DCSTAMP: variants seen among roughly 807,000 people sequenced by gnomAD.
DCSTAMP encodes dendrocyte expressed seven transmembrane protein.
A neutral mutation model predicts 33.8 loss-of-function variants in DCSTAMP; 25 were observed. The ratio of observed to expected loss-of-function variants is 0.74; its 90% CI spans 0.54 to 1.03. The LOEUF (loss-of-function observed/expected upper bound fraction) is 1.03, where lower values mean the gene tolerates loss of function less well. DCSTAMP is among the 50% of genes least tolerant of loss of function. The pLI, the probability that DCSTAMP is intolerant of heterozygous loss-of-function variation, is 0.00. For synonymous variants in DCSTAMP, 245 were observed against 216.7 expected, an observed-to-expected ratio of 1.13 and a Z score of -1.15; for missense variants, 531 against 556.8, an observed-to-expected ratio of 0.95 and a Z score of 0.47.
Position 104,341,664 on chromosome 8 carries a change from C to G in DCSTAMP, c.-13+1802C>G, listed in dbSNP as rs556580613. On this transcript the variant is annotated intron_variant, in intron 1 of 3. Transcript: ENST00000297581. ...GGGCTCAAGCCAGATGCACAGACTG[C>G]ATGGCTCTGCAGGGCTCTCAGCTCA... is the stretch of plus-strand genomic sequence containing the variant. Among the ~76,000 whole-genome samples, 4 of 152,368 alleles carry G rather than the reference C, an allele frequency of 2.6e-5. No homozygotes were observed. The East Asian group carries it at 7.7e-4, about 29-fold the overall frequency.
chr8:104,340,331 G>A (rs140909595), intron 1 of DCSTAMP: 1 of 152,316 alleles, frequency 6.6e-6, no homozygotes, highest in African/African-American at 2.4e-5. Flanking sequence ...CCCAAGGCAA[G>A]AACAATGAAA....
At chr8:104,343,484 T>C (rs1283295681) in intron 1 of DCSTAMP, among the ~76,000 whole-genome samples, 1 of 152,200 alleles carries the variant, frequency 6.6e-6, no homozygotes, top group East Asian at 1.9e-4. Flanking sequence ...GACAGAATGT[T>C]TGTGTCTTCT....
At chr8:104,353,086 G>C (rs1810510284) in intron 2 of DCSTAMP, among the ~76,000 whole-genome samples, 1 of 152,202 alleles carries the variant, frequency 6.6e-6, no homozygotes, top group South Asian at 2.1e-4. Context: ...CCCAGGTAGA[G>C]CTAGCTCTGT....
intron 1 of DCSTAMP, among the ~76,000 whole-genome samples, chr8:104,341,481 C>T (rs1280677236): frequency 3.3e-5 from 5 of 152,228 alleles, no homozygotes; most frequent in Admixed American, 2.0e-4. Flanking sequence ...GCTCTCAATG[C>T]TCCCACTGAC....
rs1459961700 is a variant in DCSTAMP, at chr8:104,349,458, C to T, written c.906C>T (p.Ile302=). 6.2e-7 allele frequency: 1 copy of T among 1,614,172 alleles called. No individual in the cohort carries two copies. Among genetic ancestry groups the T allele is most frequent in the Non-Finnish European group, 8.5e-7 (1 of 1,180,044 alleles). ...GGCTGTTTTTCCTCCCCATACTTAT[C>T]CATCTCTGCATCTGGGTGCTGTTTG... ...NLGLFFLPIL[I]HLCIWVLFAA... Residue 302 remains isoleucine (I), a synonymous_variant, in exon 2 of 4, where the codon ATC becomes ATT. Transcript: ENST00000297581.
chr8:104,356,167 A>G lies in DCSTAMP; in HGVS notation c.1382A>G (p.Gln461Arg), dbSNP rs1208883048. ...GTCCTGAAAATGATTAGGAAGAAGCAAATGGACATGGCAAGTGCAGACAAG... is the reference window on the plus strand; with the variant it reads ...GTCCTGAAAATGATTAGGAAGAAGCGAATGGACATGGCAAGTGCAGACAAG... ...LPVLKMIRKK[Q>R]MDMASADKS The change falls in exon 4 of 4, where the codon CAA becomes CGA. Residue 461 changes from glutamine (Q) to arginine (R), a missense_variant. By Grantham distance (43) the Gln-to-Arg change is conservative (BLOSUM62 1). Transcript: ENST00000297581. 6.2e-7 allele frequency: 1 copy of G among 1,613,108 alleles called. No homozygotes were observed. The highest frequency in any genetic ancestry group is 1.1e-5 in the South Asian group (1 of 90,862).
Position 104,348,997 on chromosome 8 carries a change from C to G in DCSTAMP, c.445C>G (p.Gln149Glu), listed in dbSNP as rs771377684. The G allele has an allele frequency of 1.2e-6, 2 of 1,614,222 alleles. No individual in the cohort carries two copies. The highest frequency in any genetic ancestry group is 3.3e-5 in the Admixed American group (2 of 60,034). The change falls in exon 2 of 4, where the codon CAG becomes GAG. Residue 149 changes from glutamine (Q) to glutamate (E), a missense_variant. Coordinates refer to ENST00000297581, the MANE Select transcript of DCSTAMP (RefSeq NM_030788.4). ...TTTGAAAAAATATATTGAGGCAATT[C>G]AGTGGATTTATGGCCTTGCCACTCC... is the stretch of plus-strand genomic sequence containing the variant. ...PLLKKYIEAI[Q>E]WIYGLATPLS...
chr8:104,348,494 G>A (rs1281034043), intron 1 of DCSTAMP, 47 bp from the exon 2 acceptor site: 1 of 1,554,406 alleles, frequency 6.4e-7, no homozygotes, highest in Non-Finnish European at 8.7e-7. Context: ...GAAGGTCAGA[G>A]GACATTCAAA....
intron 1 of DCSTAMP, among the ~76,000 whole-genome samples, chr8:104,347,390 G>C (rs574637476): frequency 3.3e-5 from 5 of 152,316 alleles, no homozygotes; most frequent in South Asian, 2.1e-4. Flanking sequence ...GATGCCCTTG[G>C]TGTGCTTTCT....
chr8:104,348,445 C>T, intron 1 of DCSTAMP, 96 bp from the exon 2 acceptor site: 1 of 1,257,430 alleles, frequency 8.0e-7, no homozygotes, highest in Non-Finnish European at 1.1e-6. Context: ...AGAATTATGG[C>T]CACGTTTTTT....
intron 1 of DCSTAMP, 64 bp from the exon 2 acceptor site, chr8:104,348,477 C>A: frequency 1.3e-6 from 2 of 1,499,686 alleles, no homozygotes; most frequent in Non-Finnish European, 1.8e-6. Context: ...ACCACCATGG[C>A]CTTTACGAAG....
Position 104,355,081 on chromosome 8 carries a change from G to T in DCSTAMP, c.1234G>T (p.Val412Leu), listed in dbSNP as rs200921068. ...GGTGTCAGCATCTTTCTACCCCAGC[G>T]TGGAGAGGAAGCGCATCCAATATCT... Reference protein sequence around the residue: ...ILVSASFYPSVERKRIQYLHA... With the variant: ...ILVSASFYPSLERKRIQYLHA... The change falls in exon 3 of 4, where the codon GTG (valine) becomes TTG (leucine). Residue 412 changes from valine (V) to leucine (L), a missense_variant. By Grantham distance (32) the Val-to-Leu change is conservative (BLOSUM62 1). Coordinates refer to ENST00000297581, the MANE Select transcript of DCSTAMP (RefSeq NM_030788.4). 13 of 1,614,020 alleles carry T rather than the reference G, an allele frequency of 8.1e-6. No homozygotes were observed. The highest frequency in any genetic ancestry group is 1.1e-5 in the Non-Finnish European group (13 of 1,180,000).
At chr8:104,344,068 G>A (rs376360297) in intron 1 of DCSTAMP, among the ~76,000 whole-genome samples, 1 of 152,210 alleles carries the variant, frequency 6.6e-6, no homozygotes, top group East Asian at 1.9e-4. Flanking sequence ...TTAATGTGAT[G>A]GGAAGTGTGT....
chr8:104,348,657 T>G lies in DCSTAMP; in HGVS notation c.105T>G (p.Val35=), dbSNP rs781165898. Residue 35 remains valine (V), a synonymous_variant, in exon 2 of 4, where the codon GTT becomes GTG. Coordinates refer to ENST00000297581, the MANE Select transcript of DCSTAMP (RefSeq NM_030788.4). ...GWMDFIQHLG[V]CCLVALISVG... is the part of the protein sequence containing the mutation. The stretch of plus-strand genomic sequence containing the variant: ...TGGACTTTATCCAGCATTTGGGAGT[T>G]TGCTGTTTGGTTGCTCTTATTTCAG... 10 of 1,614,092 alleles carry G rather than the reference T, an allele frequency of 6.2e-6. No individual in the cohort carries two copies. In the East Asian group the frequency reaches 1.8e-4, roughly 29 times the overall value.
At chr8:104,348,510 T>C (rs1810373548) in intron 1 of DCSTAMP, 31 bp from the exon 2 acceptor site, 1 of 1,579,538 alleles carries the variant, frequency 6.3e-7, no homozygotes, top group Non-Finnish European at 8.6e-7. Flanking sequence ...TCAAAAGTAA[T>C]TTCTGACCTT....
intron 1 of DCSTAMP, among the ~76,000 whole-genome samples, chr8:104,346,557 C>T (rs1235697127): frequency 6.6e-6 from 1 of 152,218 alleles, no homozygotes; most frequent in Admixed American, 6.5e-5. Flanking sequence ...AATTACCATT[C>T]TAATTCCCTT....
intron 1 of DCSTAMP, among the ~76,000 whole-genome samples, chr8:104,342,143 G>T (rs1358846452): frequency 6.6e-6 from 1 of 152,166 alleles, no homozygotes; most frequent in Non-Finnish European, 1.5e-5. Context: ...AGGTATAGAG[G>T]AAAACCTTTA....
chr8:104,345,734 T>C (rs1167363581), intron 1 of DCSTAMP, among the ~76,000 whole-genome samples: 1 of 152,182 alleles, frequency 6.6e-6, no homozygotes, highest in African/African-American at 2.4e-5. Flanking sequence ...TATTAATTTT[T>C]TAGGAAGGAA....
intron 1 of DCSTAMP, among the ~76,000 whole-genome samples, chr8:104,340,701 G>A (rs939134902): frequency 6.6e-6 from 1 of 152,176 alleles, no homozygotes; most frequent in Non-Finnish European, 1.5e-5. Flanking sequence ...CCTATCCAAG[G>A]CCACGCAACC....
Sources: allele counts gnomAD v4.1 joint callset (sites outside exome capture counted in the v4.1 genomes callset), GRCh38; gene constraint gnomAD v4.1.1; transcripts MANE v1.5; gene names NCBI Gene and HGNC (gene_info 2026-07-23, HGNC 2026-07-21).